The following RAD23A variants were observed in gnomAD, a reference collection of about 807,000 sequenced individuals.
RAD23A encodes the protein lysine-specific demethylase RAD23A.
RAD23A carries 16 observed loss-of-function variants against 44.8 expected under a neutral mutation model. The ratio of observed to expected loss-of-function variants is 0.36; its 90% CI spans 0.24 to 0.54. The LOEUF (loss-of-function observed/expected upper bound fraction) is 0.54. Among genes scored for constraint, RAD23A ranks in the 20% least tolerant of loss-of-function variants. The probability of loss-of-function intolerance (pLI) is 0.89; values close to 1 mark genes in which losing one functional copy is unlikely to be tolerated. For synonymous variants in RAD23A, 217 were observed against 202.9 expected, an observed-to-expected ratio of 1.07 and a Z score of -0.59; for missense variants, 380 against 483.3, an observed-to-expected ratio of 0.79 and a Z score of 2.00.
intron 7 of RAD23A, among the ~76,000 whole-genome samples, chr19:12,950,138 A>T (rs890759058): frequency 2.6e-5 from 4 of 151,544 alleles, no homozygotes; most frequent in Non-Finnish European, 4.4e-5. Context: ...GGCTTAATTA[A>T]CTCTCCATCA....
chr19:12,953,132 A>T lies in RAD23A; in HGVS notation c.*83A>T, dbSNP rs2083610886. The T allele has an allele frequency of 1.2e-6, 1 of 862,488 alleles. No homozygotes were observed. The highest frequency in any genetic ancestry group is 3.3e-5 in the Admixed American group (1 of 30,658). 53.4% of individuals were successfully genotyped at this position (862,488 alleles called of 1,614,324 possible). A position where few individuals can be genotyped will look rare whatever the true frequency, so the allele number is the denominator to read the frequency against. ...TAAAAGAAAAAATATATATATATTC[A>T]TGTTTATTTAAGAAATGGAAAAAAA... On this transcript the variant is annotated 3_prime_UTR_variant, in exon 9 of 9. Transcript: ENST00000586534.
At position 12,953,322 on chromosome 19, in the gene RAD23A, T is replaced by TG. The variant is rs1327211774; in HGVS notation, c.*275dup. 1 of 280,292 alleles carries TG rather than the reference T, an allele frequency of 3.6e-6. No individual in the cohort carries two copies. The allele number at this position is 280,292 out of a possible 1,614,324, so 17.4% of individuals were successfully genotyped here. A position where few individuals can be genotyped will look rare whatever the true frequency, so the allele number is the denominator to read the frequency against. Reference sequence around the variant, plus strand: ...TGGGAGGCGACAGATGGGCCCCTCTTGGCCTCTGTCCCAGCTCTCTGCAGC... The same window carrying TG: ...TGGGAGGCGACAGATGGGCCCCTCTTGGGCCTCTGTCCCAGCTCTCTGCAGC... On this transcript the variant is annotated 3_prime_UTR_variant, in exon 9 of 9. Transcript: ENST00000586534.
chr19:12,948,503 TC>T lies in RAD23A; in HGVS notation c.426del (p.Ser143LeufsTer15). On this transcript the variant is annotated frameshift_variant, in exon 4 of 9. Coordinates refer to ENST00000586534, the MANE Select transcript of RAD23A (RefSeq NM_005053.4). LOFTEE classifies it high-confidence loss of function. The surrounding 1 kb of genome is among the most constrained non-coding windows in gnomAD (Gnocchi z 5.5). ...TSPESVSGSV[P>X]SSGSSGREED... ...CTCTCTCTTGAATTTGCAGCTCTGT[TC>T]CCTCTTCAGGTAGCAGCGGGCGAGA... is the stretch of plus-strand genomic sequence containing the variant. 1 of 1,590,202 alleles carries T rather than the reference TC, an allele frequency of 6.3e-7. No homozygotes were observed. Among genetic ancestry groups the T allele is most frequent in the South Asian group, 1.1e-5 (1 of 88,360 alleles).
At position 12,949,285 on chromosome 19, in the gene RAD23A, C is replaced by T; in HGVS notation, c.690C>T (p.Asn230=). The T allele has an allele frequency of 6.2e-7, 1 of 1,614,124 alleles. No homozygotes were observed. The highest frequency in any genetic ancestry group is 8.5e-7 in the Non-Finnish European group (1 of 1,179,958). The change falls in exon 7 of 9, where the codon AAC becomes AAT. Residue 230 remains asparagine (N), a synonymous_variant. Transcript: ENST00000586534. ...CCTTCCTACTACCAGCAGGAGAGAA[C>T]CCCCTGGAGTTCCTGCGGGACCAGC... is the stretch of plus-strand genomic sequence containing the variant. ...EQPATEAAGE[N]PLEFLRDQPQ... is the part of the protein sequence containing the mutation.
intron 7 of RAD23A, among the ~76,000 whole-genome samples, chr19:12,951,114 A>G (rs1971799728): frequency 2.0e-5 from 3 of 152,178 alleles, no homozygotes; most frequent in African/African-American, 7.2e-5. Context: ...CCTAAATCCA[A>G]CACCCAGATG....
Position 12,946,135 on chromosome 19 carries a change from G to T in RAD23A, c.72+115G>T, listed in dbSNP as rs1971666129. On this transcript the variant is annotated intron_variant, in intron 1 of 8. Coordinates refer to ENST00000586534, the MANE Select transcript of RAD23A (RefSeq NM_005053.4). ...AGGGAGGACGGCGCGGGTCGGCCCT[G>T]CCCAGACCCCCGACCTGCCCGACTT... 3 of 1,029,444 alleles carry T rather than the reference G, an allele frequency of 2.9e-6. No homozygotes were observed. The East Asian group carries it at 8.5e-5, about 29-fold the overall frequency. The allele number at this position is 1,029,444 out of a possible 1,614,324, so 63.8% of individuals were successfully genotyped here.
In RAD23A at chr19:12,953,157, A is replaced by G; in HGVS notation, c.*108A>G. 1.3e-6 allele frequency: 1 copy of G among 782,420 alleles called. No individual in the cohort carries two copies. Among genetic ancestry groups the G allele is most frequent in the South Asian group, 2.4e-5 (1 of 41,036 alleles). 48.5% of individuals were successfully genotyped at this position (782,420 alleles called of 1,614,324 possible). A position where few individuals can be genotyped will look rare whatever the true frequency, so the allele number is the denominator to read the frequency against. On this transcript the variant is annotated 3_prime_UTR_variant, in exon 9 of 9. Coordinates refer to ENST00000586534, the MANE Select transcript of RAD23A (RefSeq NM_005053.4). ...ATGTTTATTTAAGAAATGGAAAAAA[A>G]AATCAAAAATCTTAAAAAAACAAGC... is the stretch of plus-strand genomic sequence containing the variant.
At chr19:12,949,468 C>T in intron 7 of RAD23A, 60 bp downstream of exon 7, 3 of 1,589,112 alleles carry the variant, frequency 1.9e-6, no homozygotes, top group East Asian at 2.3e-5. Flanking sequence ...CTGTGGGCAC[C>T]AGAGTCCATA....
chr19:12,948,112 A>G lies in RAD23A; in HGVS notation c.235-65A>G. The G allele has an allele frequency of 6.2e-7, 1 of 1,609,896 alleles. No individual in the cohort carries two copies. Among genetic ancestry groups the G allele is most frequent in the South Asian group, 1.1e-5 (1 of 90,968 alleles). Reference sequence around the variant, plus strand: ...TTAGCTGTGAACAGGGCGGGGCCACAGCGGAGCGGGTTGTTGGGTCTGATA... The same window carrying G: ...TTAGCTGTGAACAGGGCGGGGCCACGGCGGAGCGGGTTGTTGGGTCTGATA... On this transcript the variant is annotated intron_variant, in intron 2 of 8. Coordinates refer to ENST00000586534, the MANE Select transcript of RAD23A (RefSeq NM_005053.4). This position sits in a 1 kb window ranked among gnomAD's most constrained non-coding sequence, Gnocchi z 5.5.
rs1237972905 is a variant in RAD23A at position 12,948,733 on chromosome 19, G to A, written c.520G>A (p.Gly174Ser). The change falls in exon 5 of 9, where the codon GGC (glycine) becomes AGC (serine). Residue 174 changes from glycine to serine, a missense_variant. By Grantham distance (56) the Gly-to-Ser change is moderately conservative. Coordinates refer to ENST00000586534, the MANE Select transcript of RAD23A (RefSeq NM_005053.4). The surrounding 1 kb of genome is among the most constrained non-coding windows in gnomAD (Gnocchi z 5.5). ...ETMLTEIMSMGYERERVVAAL... is the reference protein window; with the variant it reads ...ETMLTEIMSMSYERERVVAAL... The stretch of plus-strand genomic sequence containing the variant: ...GATGCTGACGGAGATCATGTCCATG[G>A]GCTATGAGCGAGAGCGGGTCGTGGC... The A allele has an allele frequency of 6.2e-7, 1 of 1,613,706 alleles. No homozygotes were observed. The highest frequency in any genetic ancestry group is 1.6e-4 in the Middle Eastern group (1 of 6,062).
At chr19:12,947,763 C>A in intron 1 of RAD23A, 85 bp from the exon 2 acceptor site, 1 of 1,398,840 alleles carries the variant, frequency 7.1e-7, no homozygotes, top group South Asian at 1.2e-5. Context: ...TTTCTGCCAT[C>A]AGGGCTGGCA....
intron 1 of RAD23A, 64 bp downstream of exon 1, chr19:12,946,084 G>GGGGGGGGGGGCGGCC: frequency 2.0e-6 from 1 of 512,146 alleles, no homozygotes. Context: ...TGGGGGCGGG[G>GGGGGGGGGGGCGGCC]AGGCTAGAAT....
At chr19:12,952,636 G>C in intron 7 of RAD23A, 53 bp from the exon 8 acceptor site, 1 of 1,537,192 alleles carries the variant, frequency 6.5e-7, no homozygotes, top group African/African-American at 1.4e-5. Context: ...GACCTGGGGA[G>C]AGGAGGGGAC....
At chr19:12,947,577 GACTT>G (rs1568452572) in intron 1 of RAD23A, among the ~76,000 whole-genome samples, 1 of 152,186 alleles carries the variant, frequency 6.6e-6, no homozygotes, top group Admixed American at 6.5e-5. Flanking sequence ...TGAGAGCAGG[GACTT>G]ACTTGTGTTG....
intron 1 of RAD23A, 119 bp from the exon 2 acceptor site, chr19:12,947,729 C>A: frequency 1.1e-6 from 1 of 931,204 alleles, no homozygotes; most frequent in Non-Finnish European, 1.6e-6. Context: ...GCTGAGAAAG[C>A]TTAAAAAACC....
chr19:12,948,208 C>T lies in RAD23A; in HGVS notation c.266C>T (p.Pro89Leu). Residue 89 changes from proline (P) to leucine (L), a missense_variant, in exon 3 of 9, where the codon CCA becomes CTA. Physicochemically the swap from Pro to Leu is moderately conservative, Grantham distance 98 (BLOSUM62 -3). Around this residue, in one of 3 missense-constraint regions of RAD23A, gnomAD observed 279 missense variants for 313.7 expected, o/e 0.89. Transcript: ENST00000586534. The surrounding 1 kb of genome is among the most constrained non-coding windows in gnomAD (Gnocchi z 5.5). ...GCCGGCCAGGGTACCTCAGCACCCC[C>T]AGAGGCCTCACCCACAGCTGCCCCA... ...TKAGQGTSAP[P>L]EASPTAAPES... 1 of 1,614,096 alleles carries T rather than the reference C, an allele frequency of 6.2e-7. No homozygotes were observed. The highest frequency in any genetic ancestry group is 8.5e-7 in the Non-Finnish European group (1 of 1,180,016).
At chr19:12,946,641 T>C (rs1223441254) in intron 1 of RAD23A, among the ~76,000 whole-genome samples, 1 of 152,106 alleles carries the variant, frequency 6.6e-6, no homozygotes, top group Admixed American at 6.5e-5. Flanking sequence ...CACACACAAG[T>C]AATGGCAGAG....
At chr19:12,951,113 A>G (rs1357719796) in intron 7 of RAD23A, among the ~76,000 whole-genome samples, 1 of 152,200 alleles carries the variant, frequency 6.6e-6, no homozygotes, top group Non-Finnish European at 1.5e-5. Flanking sequence ...ACCTAAATCC[A>G]ACACCCAGAT....
intron 7 of RAD23A, among the ~76,000 whole-genome samples, chr19:12,950,208 C>T (rs954685817): frequency 6.6e-6 from 1 of 152,142 alleles, no homozygotes; most frequent in Non-Finnish European, 1.5e-5. Context: ...CCTCCCCGAT[C>T]TCTGCAAGGA....
Sources: allele counts gnomAD v4.1 joint callset (sites outside exome capture counted in the v4.1 genomes callset), GRCh38; gene constraint gnomAD v4.1.1; regional missense constraint gnomAD v4.1.1; non-coding constraint Gnocchi (gnomAD v3.1); transcripts MANE v1.5; gene names NCBI Gene and HGNC (gene_info 2026-07-23, HGNC 2026-07-21).